Variants in TYW1B observed in about 807,000 individuals in gnomAD.
TYW1B encodes the protein tRNA-yW synthesizing protein 1 homolog B, also known as S-adenosyl-L-methionine-dependent tRNA 4-demethylwyosine synthase TYW1B.
A neutral mutation model predicts 86.9 loss-of-function variants in TYW1B; 73 were observed. The observed-to-expected ratio is 0.84, with a 90% CI of 0.70 to 1.02. The LOEUF is 1.02. TYW1B is among the 50% of genes least tolerant of loss of function. The probability of loss-of-function intolerance (pLI) is 0.00; values close to 1 mark genes in which losing one functional copy is unlikely to be tolerated. For missense variants in TYW1B, 637 were observed against 827.4 expected, an observed-to-expected ratio of 0.77 and a Z score of 2.82; for synonymous variants, 248 against 292.8, an observed-to-expected ratio of 0.85 and a Z score of 1.56.
intron 11 of TYW1B, among the ~76,000 whole-genome samples, chr7:72,689,820 A>T (rs1814097547): frequency 2.0e-5 from 3 of 152,212 alleles, no homozygotes; most frequent in Admixed American, 2.0e-4. Context: ...ATTTCTCTTT[A>T]CTTCCCCCAA....
chr7:72,769,042 C>G (rs546783149), intron 7 of TYW1B: 1 of 356,388 alleles, frequency 2.8e-6, no homozygotes, highest in South Asian at 3.5e-5. Context: ...GAAGCCTACT[C>G]TCATAATTTA....
chr7:72,651,477 G>C, intron 11 of TYW1B, among the ~76,000 whole-genome samples: 1 of 110,104 alleles, frequency 9.1e-6, no homozygotes, highest in African/African-American at 5.4e-5. Context: ...AATTAGCTGG[G>C]CATGGCGGGC....
At chr7:72,800,614 T>G (rs1355211658) in intron 6 of TYW1B, among the ~76,000 whole-genome samples, 1 of 151,712 alleles carries the variant, frequency 6.6e-6, no homozygotes, top group Non-Finnish European at 1.5e-5. Context: ...AGGGTCTTTG[T>G]CTCATCATGA....
intron 6 of TYW1B, among the ~76,000 whole-genome samples, chr7:72,802,159 G>A (rs1274215465): frequency 6.6e-6 from 1 of 151,802 alleles, no homozygotes; most frequent in African/African-American, 2.4e-5. Flanking sequence ...GATCTACAAT[G>A]TCCTCAGTCC....
intron 6 of TYW1B, among the ~76,000 whole-genome samples, chr7:72,786,572 TC>T (rs1292097092): frequency 3.2e-5 from 4 of 126,426 alleles, no homozygotes; most frequent in Non-Finnish European, 4.9e-5. Flanking sequence ...AATTCTTTTT[TC>T]TTTTTTTTTT....
chr7:72,799,770 C>A (rs1788373422), intron 6 of TYW1B, among the ~76,000 whole-genome samples: 1 of 152,102 alleles, frequency 6.6e-6, no homozygotes, highest in African/African-American at 2.4e-5. Flanking sequence ...TGCAGGTCTG[C>A]CTTTTTTTTA....
chr7:72,734,268 A>AAAAAAAAAAAAAAAACAC (rs56806378), intron 8 of TYW1B, among the ~76,000 whole-genome samples: 1 of 98,094 alleles, frequency 1.0e-5, no homozygotes, highest in African/African-American at 3.5e-5. Context: ...AAAAAAAAAA[A>AAAAAAAAAAAAAAAACAC]ACACAACAAA....
At chr7:72,693,103 C>T (rs1814212800) in intron 11 of TYW1B, among the ~76,000 whole-genome samples, 2 of 152,002 alleles carry the variant, frequency 1.3e-5, no homozygotes, top group South Asian at 4.2e-4. Flanking sequence ...TTTTTTTAAG[C>T]TCCTGGGGTG....
intron 10 of TYW1B, among the ~76,000 whole-genome samples, chr7:72,711,470 A>ACTT (rs1786660778): frequency 6.6e-5 from 3 of 45,622 alleles, no homozygotes; most frequent in African/African-American, 2.6e-4. Context: ...CTCCTCTTTA[A>ACTT]TTCTTTTTTT....
intron 7 of TYW1B, among the ~76,000 whole-genome samples, chr7:72,756,606 C>A (rs1465217014): frequency 6.6e-6 from 1 of 152,054 alleles, no homozygotes; most frequent in Non-Finnish European, 1.5e-5. Context: ...CTTGCTAGGG[C>A]AGAACAGGCT....
At chr7:72,725,242 A>G (rs1265533583) in intron 9 of TYW1B, among the ~76,000 whole-genome samples, 1 of 152,128 alleles carries the variant, frequency 6.6e-6, no homozygotes, top group Admixed American at 6.6e-5. Context: ...TTACTATCCA[A>G]ACTCAGATCG....
chr7:72,696,910 C>T (rs1187513405), intron 10 of TYW1B, among the ~76,000 whole-genome samples: 3 of 152,082 alleles, frequency 2.0e-5, no homozygotes, highest in Non-Finnish European at 2.9e-5. Flanking sequence ...GAGCAAAGCA[C>T]GTTAATTACT....
chr7:72,617,147 T>G (rs1812096224), intron 12 of TYW1B, among the ~76,000 whole-genome samples: 1 of 152,192 alleles, frequency 6.6e-6, no homozygotes, highest in Non-Finnish European at 1.5e-5. Context: ...TAGCATGTCT[T>G]TTGATTCAGA....
chr7:72,786,318 T>G (rs1339931340), intron 6 of TYW1B, among the ~76,000 whole-genome samples: 4 of 152,126 alleles, frequency 2.6e-5, no homozygotes, highest in Admixed American at 6.6e-5. Context: ...ATAGGTATCT[T>G]TCCCAAAGAT....
At chr7:72,656,938 G>A (rs1421520160) in intron 11 of TYW1B, among the ~76,000 whole-genome samples, 2 of 152,170 alleles carry the variant, frequency 1.3e-5, no homozygotes, top group Non-Finnish European at 2.9e-5. Flanking sequence ...CTTCCACCAG[G>A]CCCCACCTCC....
intron 7 of TYW1B, among the ~76,000 whole-genome samples, chr7:72,757,557 C>A (rs1019847603): frequency 8.6e-5 from 13 of 152,016 alleles, no homozygotes; most frequent in Non-Finnish European, 1.9e-4. Flanking sequence ...TTTGGAGAGA[C>A]CAGAAATAGG....
intron 13 of TYW1B, among the ~76,000 whole-genome samples, chr7:72,591,268 G>C (rs1317362216): frequency 1.3e-5 from 2 of 152,044 alleles, no homozygotes; most frequent in African/African-American, 2.4e-5. Flanking sequence ...ACGACAGAGA[G>C]AATGCTTGAA....
Position 72,616,790 on chromosome 7 carries a change from T to G in TYW1B, c.1667A>C (p.His556Pro), listed in dbSNP as rs539703149. 4.8e-5 allele frequency: 77 copies of G among 1,614,220 alleles called. No homozygotes were observed. In the African/African-American group the frequency reaches 9.7e-4, roughly 20 times the overall value. ...ESSASSLTMA[H>P]VPWHEEVVQF... ...TACCACTTCCTCATGCCAGGGCACA[T>G]GGGCCATGGTAAGACTGCTTGCTGA... The change falls in exon 13 of 14, where the codon CAT (histidine) becomes CCT (proline). Residue 556 changes from histidine to proline, a missense_variant. His to Pro is a moderately conservative substitution (Grantham distance 77). Coordinates refer to ENST00000620995, the MANE Select transcript of TYW1B (RefSeq NM_001145440.3).
chr7:72,648,782 T>C (rs1404465172), intron 11 of TYW1B, among the ~76,000 whole-genome samples: 1 of 152,030 alleles, frequency 6.6e-6, no homozygotes, highest in Non-Finnish European at 1.5e-5. Context: ...AGATATCACC[T>C]GTGTGAAGGA....
Sources: gnomAD v4.1 joint callset for allele counts (sites outside exome capture counted in the v4.1 genomes callset) on GRCh38, gnomAD v4.1.1 for gene constraint, MANE v1.5 for transcripts, NCBI Gene and HGNC (gene_info 2026-07-23, HGNC 2026-07-21) for gene names.